The following BCAR3 variants were observed in gnomAD, a reference collection of about 807,000 sequenced individuals.
The protein encoded by BCAR3 is breast cancer anti-estrogen resistance protein 3.
Under a neutral mutation model 80.1 loss-of-function variants are expected in BCAR3, and 37 were observed. That is an observed-to-expected ratio of 0.46 (90% CI 0.36 to 0.61). BCAR3 has a LOEUF of 0.61. BCAR3 is among the 20% of genes least tolerant of loss of function. The probability of loss-of-function intolerance (pLI) is 0.00; values close to 1 mark genes in which losing one functional copy is unlikely to be tolerated. For synonymous variants in BCAR3, 389 were observed against 418.9 expected, an observed-to-expected ratio of 0.93 and a Z score of 0.87; for missense variants, 978 against 1,068.2, an observed-to-expected ratio of 0.92 and a Z score of 1.18.
chr1:93,617,552 T>G (rs148127363), intron 3 of BCAR3, among the ~76,000 whole-genome samples: 1 of 152,104 alleles, frequency 6.6e-6, no homozygotes, highest in African/African-American at 2.4e-5. Flanking sequence ...CGGTCAGGGG[T>G]GAACACCAGT....
chr1:93,596,261 A>G (rs1206172544), intron 3 of BCAR3, among the ~76,000 whole-genome samples: 2 of 152,248 alleles, frequency 1.3e-5, no homozygotes, highest in African/African-American at 4.8e-5. Flanking sequence ...GCCCAGAATG[A>G]TGCATGAGAA....
chr1:93,715,907 G>A lies in BCAR3; in HGVS notation c.-62-9765C>T, dbSNP rs74977229. On this transcript the variant is annotated intron_variant, in intron 2 of 13. Transcript: ENST00000370244. ...ACAAACCTTAATGCGTTTGAGTAGC[G>A]CTCAGCCAGCTTGCAATTATTTGTG... Among the ~76,000 whole-genome samples, 1,209 of 152,288 alleles carry A rather than the reference G, an allele frequency of 7.9e-3. 13 individuals carry two copies. The highest frequency in any genetic ancestry group is 0.028 in the African/African-American group (1,159 of 41,560).
In BCAR3 at chr1:93,624,104, G is replaced by C. The variant is rs115759449; in HGVS notation, c.357+18200C>G. Among the ~76,000 whole-genome samples the C allele has an allele frequency of 3.3e-3, 496 of 152,286 alleles. 3 individuals carry two copies. The highest frequency in any genetic ancestry group is 0.011 in the African/African-American group (456 of 41,554). On this transcript the variant is annotated intron_variant, in intron 3 of 11. Transcript: ENST00000260502. Reference sequence around the variant, plus strand: ...TACTGTGCCACTGGTGTAGGGGTGAGTTCTGCTCCCACACCCAGCACCTCC... The same window carrying C: ...TACTGTGCCACTGGTGTAGGGGTGACTTCTGCTCCCACACCCAGCACCTCC...
chr1:93,707,161 G>A (rs1352836521), intron 2 of BCAR3, among the ~76,000 whole-genome samples: 1 of 151,912 alleles, frequency 6.6e-6, no homozygotes, highest in Non-Finnish European at 1.5e-5. Context: ...GGTGACAACA[G>A]CAAGACTCCA....
chr1:93,830,522 G>T (rs1184528061), intron 2 of BCAR3, among the ~76,000 whole-genome samples: 3 of 152,176 alleles, frequency 2.0e-5, no homozygotes, highest in African/African-American at 7.2e-5. Flanking sequence ...TGGCTCAGAA[G>T]CTCCCCCACT....
At chr1:93,640,546 C>T (rs1386678195) in intron 3 of BCAR3, among the ~76,000 whole-genome samples, 1 of 152,166 alleles carries the variant, frequency 6.6e-6, no homozygotes, top group African/African-American at 2.4e-5. Context: ...AAAAGGAGAA[C>T]CCTCTGAACC....
intron 2 of BCAR3, among the ~76,000 whole-genome samples, chr1:93,800,172 G>T (rs1354380659): frequency 2.0e-5 from 3 of 152,110 alleles, no homozygotes; most frequent in African/African-American, 7.2e-5. Context: ...TTTGGACATG[G>T]AAGTGGTTTA....
chr1:93,632,795 A>AGT (rs1261102877), intron 3 of BCAR3, among the ~76,000 whole-genome samples: 1 of 152,168 alleles, frequency 6.6e-6, no homozygotes, highest in African/African-American at 2.4e-5. Flanking sequence ...GAGGCAGTGG[A>AGT]TCACCTGAGG....
chr1:93,734,643 C>A (rs1650913521), intron 2 of BCAR3, among the ~76,000 whole-genome samples: 1 of 152,118 alleles, frequency 6.6e-6, no homozygotes, highest in Non-Finnish European at 1.5e-5. Context: ...GCTGTTACTT[C>A]CAGGCGGGGA....
intron 2 of BCAR3, among the ~76,000 whole-genome samples, chr1:93,713,378 A>G (rs1650089394): frequency 6.6e-6 from 1 of 152,198 alleles, no homozygotes; most frequent in South Asian, 2.1e-4. Flanking sequence ...TTATTTAATG[A>G]GGTCCAGATT....
intron 3 of BCAR3, among the ~76,000 whole-genome samples, chr1:93,593,583 CA>C (rs1447240449): frequency 1.3e-5 from 2 of 151,966 alleles, no homozygotes; most frequent in African/African-American, 4.8e-5. Flanking sequence ...CCATGTTGCC[CA>C]GGCTGGTCTC....
chr1:93,758,962 C>T (rs112860731), intron 2 of BCAR3, among the ~76,000 whole-genome samples: 2,793 of 152,256 alleles, frequency 0.018, 77 homozygotes, highest in African/African-American at 0.064. Context: ...GGTTCTGGGC[C>T]TGCATTTCCT....
chr1:93,801,911 A>AG (rs1487920152), intron 2 of BCAR3, among the ~76,000 whole-genome samples: 1 of 152,146 alleles, frequency 6.6e-6, no homozygotes, highest in African/African-American at 2.4e-5. Flanking sequence ...TGAGGTCAGG[A>AG]GATTGAGACC....
intron 2 of BCAR3, among the ~76,000 whole-genome samples, chr1:93,712,666 A>G (rs1439262036): frequency 6.6e-6 from 1 of 152,148 alleles, no homozygotes; most frequent in African/African-American, 2.4e-5. Flanking sequence ...GCCAGGCAGC[A>G]TGCTAAGCAC....
At chr1:93,829,649 C>A (rs1654490676) in intron 2 of BCAR3, among the ~76,000 whole-genome samples, 2 of 152,066 alleles carry the variant, frequency 1.3e-5, no homozygotes, top group South Asian at 4.2e-4. Context: ...CCACGCCTGG[C>A]CTAAAACTTT....
intron 3 of BCAR3, among the ~76,000 whole-genome samples, chr1:93,691,575 G>C (rs1649190840): frequency 6.6e-6 from 1 of 152,176 alleles, no homozygotes; most frequent in Non-Finnish European, 1.5e-5. Context: ...GGAGGGGCCA[G>C]ATTAGAGCCT....
intron 3 of BCAR3, among the ~76,000 whole-genome samples, chr1:93,639,399 A>G (rs1014313978): frequency 1.3e-5 from 2 of 150,920 alleles, no homozygotes; most frequent in South Asian, 4.2e-4. Context: ...GCAGTCCCAG[A>G]CCTCTCTCTT....
At chr1:93,699,232 C>T (rs1451125559) in intron 3 of BCAR3, among the ~76,000 whole-genome samples, 1 of 152,230 alleles carries the variant, frequency 6.6e-6, no homozygotes, top group East Asian at 1.9e-4. Context: ...GGCTCCGACA[C>T]ATGGGGTTTT....
intron 2 of BCAR3, among the ~76,000 whole-genome samples, chr1:93,843,443 A>G (rs1276960158): frequency 1.3e-5 from 2 of 152,168 alleles, no homozygotes; most frequent in African/African-American, 4.8e-5. Flanking sequence ...GAGAGGATTA[A>G]CTCTTGCAAT....
Sources: allele counts gnomAD v4.1 joint callset (sites outside exome capture counted in the v4.1 genomes callset), GRCh38; gene constraint gnomAD v4.1.1; transcripts MANE v1.5; gene names NCBI Gene and HGNC (gene_info 2026-07-23, HGNC 2026-07-21).